EXOC6B: variants seen among roughly 807,000 people sequenced by gnomAD.
The protein encoded by EXOC6B is SEC15 homolog B.
Under a neutral mutation model 113.5 loss-of-function variants are expected in EXOC6B, and 54 were observed. The observed-to-expected ratio is 0.48, with a 90% CI of 0.38 to 0.60. EXOC6B has a LOEUF of 0.60. EXOC6B is among the 20% of genes least tolerant of loss of function. The probability of loss-of-function intolerance (pLI) is 0.00; values close to 1 mark genes in which losing one functional copy is unlikely to be tolerated. For synonymous variants in EXOC6B, 357 were observed against 339.0 expected (o/e 1.05, Z -0.58); for missense variants, 797 against 977.5 (o/e 0.82, Z 2.46).
chr2:72,769,110 AT>A (rs200819836), intron 1 of EXOC6B, among the ~76,000 whole-genome samples: 3,409 of 152,344 alleles, frequency 0.022, 40 homozygotes, highest in Non-Finnish European at 0.032. Context: ...GGTAAAGTAT[AT>A]GTTATGTATA....
chr2:72,407,537 C>G (rs1200466726), intron 18 of EXOC6B, among the ~76,000 whole-genome samples: 1 of 152,156 alleles, frequency 6.6e-6, no homozygotes, highest in African/African-American at 2.4e-5. Context: ...GGCTTCATCC[C>G]TGGGATGCAA....
chr2:72,423,736 C>T (rs967920185), intron 18 of EXOC6B, among the ~76,000 whole-genome samples: 21 of 152,070 alleles, frequency 1.4e-4, no homozygotes, highest in African/African-American at 4.6e-4. Flanking sequence ...TGTGTGCATG[C>T]ACATACATAC....
intron 20 of EXOC6B, among the ~76,000 whole-genome samples, chr2:72,283,613 C>T (rs1280795445): frequency 2.0e-5 from 3 of 151,966 alleles, no homozygotes; most frequent in African/African-American, 7.3e-5. Context: ...AGGAGGTTGG[C>T]CAGATTCTCA....
chr2:72,820,740 A>G (rs1046810000), intron 1 of EXOC6B, among the ~76,000 whole-genome samples: 1 of 152,146 alleles, frequency 6.6e-6, no homozygotes, highest in African/African-American at 2.4e-5. Flanking sequence ...TTAAAAAATA[A>G]AAAAAGCAGT....
intron 8 of EXOC6B, among the ~76,000 whole-genome samples, chr2:72,553,754 T>C (rs1462957566): frequency 6.6e-6 from 1 of 152,088 alleles, no homozygotes; most frequent in Admixed American, 6.6e-5. Context: ...AAAATGCATA[T>C]TATAAAAACA....
intron 7 of EXOC6B, among the ~76,000 whole-genome samples, chr2:72,562,103 CTG>C (rs1245844537): frequency 6.6e-6 from 1 of 152,080 alleles, no homozygotes; most frequent in Non-Finnish European, 1.5e-5. Context: ...AAGAAGAGTG[CTG>C]TGAGGATAAA....
At chr2:72,565,574 A>G (rs1484200860) in intron 7 of EXOC6B, among the ~76,000 whole-genome samples, 1 of 152,086 alleles carries the variant, frequency 6.6e-6, no homozygotes. Context: ...AAGAACAAAT[A>G]TCCCTAATAT....
intron 8 of EXOC6B, among the ~76,000 whole-genome samples, chr2:72,549,078 G>A (rs746188475): frequency 6.6e-6 from 1 of 151,934 alleles, no homozygotes; most frequent in Non-Finnish European, 1.5e-5. Flanking sequence ...AGTAATTCAG[G>A]TAGAAGGGAA....
intron 18 of EXOC6B, among the ~76,000 whole-genome samples, chr2:72,409,720 G>T (rs1210908493): frequency 6.6e-6 from 1 of 150,424 alleles, no homozygotes; most frequent in Non-Finnish European, 1.5e-5. Flanking sequence ...CCTGCTGTGG[G>T]GTAGGGGGAG....
Position 72,731,201 on chromosome 2 carries a change from C to G in EXOC6B, c.372G>C (p.Gln124His), listed in dbSNP as rs370318129. 29 of 1,613,300 alleles carry G rather than the reference C, an allele frequency of 1.8e-5. No homozygotes were observed. Among genetic ancestry groups the G allele is most frequent in the Non-Finnish European group, 1.1e-5 (13 of 1,179,702 alleles). Residue 124 changes from glutamine (Q) to histidine (H), a missense_variant, in exon 4 of 22, where the codon CAG becomes CAC. Transcript: ENST00000272427. ...MEELKQCRLQ[Q>H]RNISATVDKL... ...TATCAACAGTGGCAGAAATATTTCT[C>G]TGTTGTAGTCGACACTGCTTCAGCT...
intron 18 of EXOC6B, among the ~76,000 whole-genome samples, chr2:72,458,346 G>C (rs1200834938): frequency 6.6e-6 from 1 of 152,134 alleles, no homozygotes; most frequent in Non-Finnish European, 1.5e-5. Flanking sequence ...AAATTATGTA[G>C]CATTCTAGGG....
At chr2:72,811,664 C>G (rs2105129906) in intron 1 of EXOC6B, among the ~76,000 whole-genome samples, 1 of 152,034 alleles carries the variant, frequency 6.6e-6, no homozygotes, top group African/African-American at 2.4e-5. Flanking sequence ...ATCAAAAATC[C>G]TTAACAATAT....
At chr2:72,663,615 G>T (rs1286705901) in intron 6 of EXOC6B, among the ~76,000 whole-genome samples, 1 of 151,994 alleles carries the variant, frequency 6.6e-6, no homozygotes, top group Non-Finnish European at 1.5e-5. Context: ...ATTTAAAGCT[G>T]TTTGATTCCA....
Position 72,795,380 on chromosome 2 carries a change from CCTGA to C in EXOC6B, c.113+30414_113+30417del, listed in dbSNP as rs1188533450. Among the ~76,000 whole-genome samples the C allele has an allele frequency of 6.6e-5, 10 of 152,212 alleles. No individual in the cohort carries two copies. The East Asian group carries it at 1.9e-3, about 29-fold the overall frequency. ...CAAGTTTCTAAACAAGTGAATGACT[CCTGA>C]CTAACATGGTGAAACCCCATCTCTA... On this transcript the variant is annotated intron_variant, in intron 1 of 21. Coordinates refer to ENST00000272427, the MANE Select transcript of EXOC6B (RefSeq NM_015189.3).
chr2:72,287,142 A>T (rs1196548659), intron 20 of EXOC6B, among the ~76,000 whole-genome samples: 1 of 152,148 alleles, frequency 6.6e-6, no homozygotes, highest in Non-Finnish European at 1.5e-5. Context: ...AATAGAATAT[A>T]AATGTAGGCC....
chr2:72,344,944 C>T (rs1689242489), intron 19 of EXOC6B, among the ~76,000 whole-genome samples: 1 of 151,944 alleles, frequency 6.6e-6, no homozygotes, highest in East Asian at 1.9e-4. Flanking sequence ...CCATCTGAAC[C>T]TCTGTGATTA....
chr2:72,592,562 G>A (rs778911097), intron 6 of EXOC6B, among the ~76,000 whole-genome samples: 1 of 152,092 alleles, frequency 6.6e-6, no homozygotes, highest in Non-Finnish European at 1.5e-5. Context: ...CAAAGCAAAC[G>A]TGAATCCTCT....
intron 18 of EXOC6B, among the ~76,000 whole-genome samples, chr2:72,442,685 G>A (rs919255314): frequency 1.3e-5 from 2 of 152,144 alleles, no homozygotes; most frequent in Admixed American, 1.3e-4. Flanking sequence ...GCTAAGTAGG[G>A]AGGTAAAAGA....
chr2:72,741,280 C>A, intron 2 of EXOC6B, 24 bp downstream of exon 2: 1 of 1,597,480 alleles, frequency 6.3e-7, no homozygotes, highest in Non-Finnish European at 8.5e-7. Context: ...GACGGAGAAA[C>A]AGTATCTCTT....
Sources: gnomAD v4.1 joint callset for allele counts (sites outside exome capture counted in the v4.1 genomes callset) on GRCh38, gnomAD v4.1.1 for gene constraint, MANE v1.5 for transcripts, NCBI Gene and HGNC (gene_info 2026-07-23, HGNC 2026-07-21) for gene names.